The following TMEM132D variants were observed in gnomAD, a reference collection of about 807,000 sequenced individuals.
TMEM132D encodes the protein transmembrane protein 132D.
In TMEM132D, 21 loss-of-function variants were observed where a neutral mutation model predicts 62.3. That is an observed-to-expected ratio of 0.34 (90% CI 0.24 to 0.49). The LOEUF is 0.49. TMEM132D is among the 20% of genes least tolerant of loss of function. TMEM132D has a pLI of 0.99. For synonymous variants in TMEM132D, 621 were observed against 575.6 expected (o/e 1.08, Z -1.13); for missense variants, 1,346 against 1,402.8 (o/e 0.96, Z 0.65).
intron 3 of TMEM132D, among the ~76,000 whole-genome samples, chr12:129,343,342 C>T (rs1365926467): frequency 5.9e-5 from 9 of 151,526 alleles, no homozygotes; most frequent in South Asian, 2.1e-4. Context: ...AAACAACCAC[C>T]GCATGTTCTC....
intron 2 of TMEM132D, among the ~76,000 whole-genome samples, chr12:129,664,506 G>A (rs992389575): frequency 5.0e-5 from 7 of 140,808 alleles, no homozygotes; most frequent in Admixed American, 7.8e-5. Flanking sequence ...CTCACTGCAC[G>A]CTCTGCCTCC....
At position 129,078,544 on chromosome 12, in the gene TMEM132D, C is replaced by A. The variant is rs1368191214; in HGVS notation, c.2105G>T (p.Arg702Met). The change falls in exon 8 of 9, where the codon AGG becomes ATG. Residue 702 changes from arginine (R) to methionine (M), a missense_variant. Coordinates refer to ENST00000422113, the MANE Select transcript of TMEM132D (RefSeq NM_133448.3). ...AGCCCTCCTCCATACCTGTTTTGGC[C>A]TCTGCAGAAGTTCCTGAGCCACTGC... ...ATAVAQELLQ[R>M]PKQEAAISCW... The A allele has an allele frequency of 6.2e-7, 1 of 1,613,618 alleles. No homozygotes were observed. Among genetic ancestry groups the A allele is most frequent in the African/African-American group, 1.3e-5 (1 of 75,030 alleles).
At chr12:129,562,827 G>A (rs927215274) in intron 2 of TMEM132D, among the ~76,000 whole-genome samples, 4 of 152,082 alleles carry the variant, frequency 2.6e-5, no homozygotes, top group African/African-American at 9.7e-5. Context: ...GAGAAACCCC[G>A]TGCTTCCTTT....
chr12:129,792,212 T>C (rs1383005988), intron 1 of TMEM132D, among the ~76,000 whole-genome samples: 1 of 152,140 alleles, frequency 6.6e-6, no homozygotes, highest in African/African-American at 2.4e-5. Context: ...CTCTGTTGCT[T>C]TCCTTTTTAT....
At chr12:129,406,559 G>T (rs1871796496) in intron 3 of TMEM132D, among the ~76,000 whole-genome samples, 1 of 151,510 alleles carries the variant, frequency 6.6e-6, no homozygotes, top group Non-Finnish European at 1.5e-5. Flanking sequence ...GGCGGAGGTT[G>T]CAGTGAGCCA....
At chr12:129,243,846 AC>A (rs757245247) in intron 4 of TMEM132D, among the ~76,000 whole-genome samples, 22 of 152,320 alleles carry the variant, frequency 1.4e-4, no homozygotes, top group Admixed American at 3.9e-4. Flanking sequence ...GATTGAATAC[AC>A]CTTAGATAAT....
At chr12:129,399,767 G>A (rs1871560118) in intron 3 of TMEM132D, among the ~76,000 whole-genome samples, 1 of 152,094 alleles carries the variant, frequency 6.6e-6, no homozygotes. Flanking sequence ...AGAAAGCAAA[G>A]AGAGAGGAAT....
At chr12:129,832,962 A>G (rs1453808974) in intron 1 of TMEM132D, among the ~76,000 whole-genome samples, 2 of 152,032 alleles carry the variant, frequency 1.3e-5, no homozygotes, top group Admixed American at 6.6e-5. Flanking sequence ...TCTACTCCCT[A>G]CCTTAGCTGG....
chr12:129,323,107 T>C (rs1868774543), intron 4 of TMEM132D, among the ~76,000 whole-genome samples: 1 of 152,230 alleles, frequency 6.6e-6, no homozygotes, highest in Non-Finnish European at 1.5e-5. Context: ...CACTTTGAAC[T>C]GTAACTACCA....
Position 129,227,083 on chromosome 12 carries a change from A to G in TMEM132D, c.1300-17420T>C, listed in dbSNP as rs75768547. On this transcript the variant is annotated intron_variant, in intron 4 of 8. Coordinates refer to ENST00000422113, the MANE Select transcript of TMEM132D (RefSeq NM_133448.3). ...GCTACTGAAATCCCCTCAAGGAGGA[A>G]TTTCTAACTCTGGGGAGAACCTAGG... Among the ~76,000 whole-genome samples, 1,381 of 152,122 alleles carry G rather than the reference A, an allele frequency of 9.1e-3. 37 individuals are homozygous for G. Among genetic ancestry groups the G allele is most frequent in the Admixed American group, 0.059 (904 of 15,266 alleles).
chr12:129,655,523 A>T lies in TMEM132D; in HGVS notation c.968+44287T>A, dbSNP rs761184994. 3.4e-4 allele frequency among the ~76,000 whole-genome samples: 51 copies of T among 152,078 alleles called. 1 individual carries two copies. The highest frequency in any genetic ancestry group is 7.4e-5 in the Non-Finnish European group (5 of 68,014). On this transcript the variant is annotated intron_variant, in intron 2 of 8. Coordinates refer to ENST00000422113, the MANE Select transcript of TMEM132D (RefSeq NM_133448.3). ...CGGCCTCTCAAAGTGCTGGGATTACAGGCATGAGCCACCACGCCTGGTCCC... is the reference window on the plus strand; with the variant it reads ...CGGCCTCTCAAAGTGCTGGGATTACTGGCATGAGCCACCACGCCTGGTCCC...
chr12:129,174,136 C>CAT (rs1877828337), intron 5 of TMEM132D, among the ~76,000 whole-genome samples: 1 of 152,154 alleles, frequency 6.6e-6, no homozygotes, highest in Non-Finnish European at 1.5e-5. Context: ...TTGCAGGATA[C>CAT]ATGTGCAGAA....
intron 1 of TMEM132D, among the ~76,000 whole-genome samples, chr12:129,895,617 T>C (rs918207899): frequency 6.6e-6 from 1 of 152,248 alleles, no homozygotes; most frequent in Admixed American, 6.5e-5. Flanking sequence ...GCATGCTGCC[T>C]GGTCACCTCA....
At chr12:129,149,211 A>G (rs984389804) in intron 5 of TMEM132D, among the ~76,000 whole-genome samples, 6 of 142,216 alleles carry the variant, frequency 4.2e-5, no homozygotes, top group Non-Finnish European at 7.7e-5. Context: ...GGAACGTCAC[A>G]CACCAGGGCC....
intron 4 of TMEM132D, among the ~76,000 whole-genome samples, chr12:129,321,337 A>G (rs112706041): frequency 0.01 from 1,555 of 152,316 alleles, 29 homozygotes; most frequent in African/African-American, 0.035. Flanking sequence ...AGATAAGAAG[A>G]GGCTGATACC....
intron 1 of TMEM132D, among the ~76,000 whole-genome samples, chr12:129,752,596 T>C (rs1348089189): frequency 6.6e-6 from 1 of 152,214 alleles, no homozygotes; most frequent in African/African-American, 2.4e-5. Flanking sequence ...ATTAGGACTG[T>C]CTAGCCGCAT....
rs892889748 is a variant in TMEM132D at position 129,700,027 on chromosome 12, G to C, written c.751C>G (p.Arg251Gly). The change falls in exon 2 of 9, where the codon CGG (arginine) becomes GGG (glycine). Residue 251 changes from arginine (R) to glycine (G), a missense_variant. Arg to Gly is a moderately radical substitution (Grantham distance 125). Coordinates refer to ENST00000422113, the MANE Select transcript of TMEM132D (RefSeq NM_133448.3). ...TCATCGATGTCACTGTGGCCTGTCC[G>C]GATCCCATTGCTTCTCCTCGCGTCT... ...REDARRSNGIRTGHSDIDESG... is the reference protein window; with the variant it reads ...REDARRSNGIGTGHSDIDESG... 6.2e-7 allele frequency: 1 copy of C among 1,613,822 alleles called. No individual in the cohort carries two copies. The highest frequency in any genetic ancestry group is 8.5e-7 in the Non-Finnish European group (1 of 1,180,052).
intron 2 of TMEM132D, among the ~76,000 whole-genome samples, chr12:129,627,423 G>A (rs1188277488): frequency 2.0e-5 from 3 of 152,144 alleles, no homozygotes; most frequent in East Asian, 3.9e-4. Flanking sequence ...TAGTAGACTG[G>A]AACAGCTAGG....
chr12:129,866,563 G>A (rs989898962), intron 1 of TMEM132D, among the ~76,000 whole-genome samples: 1 of 151,486 alleles, frequency 6.6e-6, no homozygotes, highest in Non-Finnish European at 1.5e-5. Flanking sequence ...CGCATGTTGT[G>A]CACATGTACC....
Sources: gnomAD v4.1 joint callset for allele counts (sites outside exome capture counted in the v4.1 genomes callset) on GRCh38, gnomAD v4.1.1 for gene constraint, MANE v1.5 for transcripts, NCBI Gene and HGNC (gene_info 2026-07-23, HGNC 2026-07-21) for gene names.